AFAP1: variants seen among roughly 807,000 people sequenced by gnomAD.
The protein encoded by AFAP1 is actin filament-associated protein 1.
Under a neutral mutation model 93.9 loss-of-function variants are expected in AFAP1, and 75 were observed. The ratio of observed to expected loss-of-function variants is 0.80; its 90% CI spans 0.66 to 0.97. The LOEUF is 0.97. AFAP1 is among the 50% of genes least tolerant of loss of function. The probability of loss-of-function intolerance (pLI) is 0.00; values close to 1 mark genes in which losing one functional copy is unlikely to be tolerated. For synonymous variants in AFAP1, 517 were observed against 430.7 expected, an observed-to-expected ratio of 1.20 and a Z score of -2.48; for missense variants, 1,201 against 1,050.8, an observed-to-expected ratio of 1.14 and a Z score of -1.98.
chr4:7,824,209 G>C (rs966418827), intron 6 of AFAP1, among the ~76,000 whole-genome samples: 5 of 152,210 alleles, frequency 3.3e-5, no homozygotes, highest in African/African-American at 1.2e-4. Flanking sequence ...GTGTATTTAA[G>C]AGAACTGGAT....
At chr4:7,879,381 A>G (rs112929184) in intron 1 of AFAP1, among the ~76,000 whole-genome samples, 2,867 of 152,338 alleles carry the variant, frequency 0.019, 95 homozygotes, top group African/African-American at 0.065. Context: ...AACAAGAGCC[A>G]TATCTACACG....
intron 8 of AFAP1, among the ~76,000 whole-genome samples, chr4:7,810,565 C>A (rs564492282): frequency 1.3e-5 from 2 of 152,334 alleles, no homozygotes; most frequent in Admixed American, 1.3e-4. Context: ...ACACCTGACT[C>A]GGCCCTATGC....
chr4:7,802,867 T>G (rs2149036247), intron 9 of AFAP1, among the ~76,000 whole-genome samples: 1 of 152,242 alleles, frequency 6.6e-6, no homozygotes, highest in South Asian at 2.1e-4. Context: ...GCCAGGAAGG[T>G]CTCGATCTCC....
intron 3 of AFAP1, among the ~76,000 whole-genome samples, chr4:7,856,478 G>T (rs1278054836): frequency 6.6e-6 from 1 of 152,124 alleles, no homozygotes; most frequent in Admixed American, 6.5e-5. Context: ...CTGACCTCGT[G>T]ATCAGCCCGC....
intron 16 of AFAP1, 121 bp from the exon 17 acceptor site, chr4:7,769,129 G>GTCCTTGCTGC: frequency 7.6e-7 from 1 of 1,314,530 alleles, no homozygotes; most frequent in Non-Finnish European, 1.0e-6. Flanking sequence ...AATAACAGCA[G>GTCCTTGCTGC]TAGCAGCAAG....
intron 6 of AFAP1, among the ~76,000 whole-genome samples, chr4:7,820,079 A>C (rs4689874): frequency 3.3e-5 from 5 of 152,216 alleles, no homozygotes; most frequent in Admixed American, 3.3e-4. Context: ...ATGAGAGGAC[A>C]TTGCTGTAGC....
chr4:7,840,269 T>TGTGTGTGTGTGC (rs766246732), intron 5 of AFAP1, among the ~76,000 whole-genome samples: 1,373 of 130,354 alleles, frequency 0.011, 19 homozygotes, highest in African/African-American at 0.03. Context: ...GGGATGTGTG[T>TGTGTGTGTGTGC]GTGTGTGTGT....
chr4:7,783,440 A>G (rs771788546), intron 12 of AFAP1, among the ~76,000 whole-genome samples: 12 of 152,288 alleles, frequency 7.9e-5, no homozygotes, highest in East Asian at 3.9e-4. Context: ...GCGCCTGGCT[A>G]TAAGTATGAA....
At position 7,939,553 on chromosome 4, in the gene AFAP1, C is replaced by A. The variant is rs1179105477; in HGVS notation, c.-3+103G>T. 1 of 372,828 alleles carries A rather than the reference C, an allele frequency of 2.7e-6. No homozygotes were observed. The highest frequency in any genetic ancestry group is 5.3e-6 in the Non-Finnish European group (1 of 190,474). The allele number at this position is 372,828 out of a possible 1,614,324, so 23.1% of individuals were successfully genotyped here. On this transcript the variant is annotated intron_variant, in intron 1 of 17. Transcript: ENST00000420658. This position sits in a 1 kb window ranked among gnomAD's most constrained non-coding sequence, Gnocchi z 5.6. ...ACCCGAGGCCGAGACAAAGCCCAGG[C>A]GCACGGACCCCGGACCCTGCGGAGC... is the stretch of plus-strand genomic sequence containing the variant.
At chr4:7,859,536 C>T (rs1438404396) in intron 3 of AFAP1, among the ~76,000 whole-genome samples, 1 of 152,126 alleles carries the variant, frequency 6.6e-6, no homozygotes, top group African/African-American at 2.4e-5. Flanking sequence ...CTGCTGTGAC[C>T]TAGAAATAAG....
At chr4:7,771,319 G>A (rs2148957508) in intron 16 of AFAP1, among the ~76,000 whole-genome samples, 1 of 152,204 alleles carries the variant, frequency 6.6e-6, no homozygotes, top group East Asian at 1.9e-4. Context: ...AGGAGTTCAA[G>A]AAGGAACACA....
chr4:7,775,054 T>C, intron 14 of AFAP1, 151 bp from the exon 15 acceptor site: 1 of 918,994 alleles, frequency 1.1e-6, no homozygotes, highest in Non-Finnish European at 1.6e-6. Context: ...GGTGGGAGAA[T>C]CGCTTGAGCT....
chr4:7,832,623 C>CGT (rs2149095610), intron 6 of AFAP1, among the ~76,000 whole-genome samples: 1 of 150,538 alleles, frequency 6.6e-6, no homozygotes, highest in African/African-American at 2.4e-5. Context: ...GCAAGATAAC[C>CGT]GTCACTCTTC....
intron 4 of AFAP1, among the ~76,000 whole-genome samples, chr4:7,851,104 A>C (rs2149133112): frequency 6.6e-6 from 1 of 152,194 alleles, no homozygotes; most frequent in Admixed American, 6.5e-5. Flanking sequence ...GCGAGGGTGG[A>C]CCTCTGGGAG....
chr4:7,880,243 T>C (rs918224993), intron 1 of AFAP1, among the ~76,000 whole-genome samples: 3 of 151,996 alleles, frequency 2.0e-5, no homozygotes, highest in African/African-American at 7.3e-5. Flanking sequence ...CAATCATGGA[T>C]TTGAAAGCTA....
intron 9 of AFAP1, among the ~76,000 whole-genome samples, chr4:7,808,484 G>A (rs1719726726): frequency 7.0e-6 from 1 of 143,036 alleles, no homozygotes; most frequent in Admixed American, 6.9e-5. Context: ...GGGCTGTTGT[G>A]GTCACCAAAA....
Position 7,887,302 on chromosome 4 carries a change from G to A in AFAP1, c.-2-15222C>T, listed in dbSNP as rs1412431569. On this transcript the variant is annotated intron_variant, in intron 1 of 17. Transcript: ENST00000420658. ...AATTAAGTCACTGCAAAATATTTGG[G>A]TATCTAAGTGTGGGGTACCCAATAA... Among the ~76,000 whole-genome samples, 4 of 151,892 alleles carry A rather than the reference G, an allele frequency of 2.6e-5. No homozygotes were observed. The South Asian group carries it at 8.3e-4, about 31-fold the overall frequency.
At chr4:7,778,327 T>G in intron 14 of AFAP1, 1 of 255,944 alleles carries the variant, frequency 3.9e-6, no homozygotes, top group Non-Finnish European at 7.6e-6. Context: ...GGTCCGTGTA[T>G]TACCTCAGCT....
chr4:7,876,572 A>AC (rs1371347403), intron 1 of AFAP1, among the ~76,000 whole-genome samples: 2 of 152,296 alleles, frequency 1.3e-5, no homozygotes, highest in East Asian at 3.9e-4. Context: ...CAGAGGTGAC[A>AC]CCCTCAGAAG....
Sources: allele counts gnomAD v4.1 joint callset (sites outside exome capture counted in the v4.1 genomes callset), GRCh38; gene constraint gnomAD v4.1.1; non-coding constraint Gnocchi (gnomAD v3.1); transcripts MANE v1.5; gene names NCBI Gene and HGNC (gene_info 2026-07-23, HGNC 2026-07-21).